The following ATP6V0E1 variants were observed in gnomAD, a reference collection of about 807,000 sequenced individuals.
The protein encoded by ATP6V0E1 is V-type proton ATPase subunit e 1.
A neutral mutation model predicts 11.6 loss-of-function variants in ATP6V0E1; 4 were observed. The observed-to-expected ratio is 0.35, with a 90% CI of 0.17 to 0.79. ATP6V0E1 has a LOEUF of 0.79. Among genes scored for constraint, ATP6V0E1 ranks in the 30% least tolerant of loss-of-function variants. The pLI, the probability that ATP6V0E1 is intolerant of heterozygous loss-of-function variation, is 0.54. For missense variants in ATP6V0E1, 105 were observed against 100.0 expected, an observed-to-expected ratio of 1.05 and a Z score of -0.21; for synonymous variants, 36 against 34.8, an observed-to-expected ratio of 1.04 and a Z score of -0.13.
intron 2 of ATP6V0E1, among the ~76,000 whole-genome samples, chr5:173,017,840 C>CAA (rs538210275): frequency 0.06 from 3,962 of 66,408 alleles, 93 homozygotes; most frequent in South Asian, 0.13. Flanking sequence ...GACTCCTTCT[C>CAA]AAAAAAAAAA....
chr5:173,030,065 C>T (rs1756626447), intron 3 of ATP6V0E1, among the ~76,000 whole-genome samples: 1 of 152,250 alleles, frequency 6.6e-6, no homozygotes, highest in Non-Finnish European at 1.5e-5. Flanking sequence ...CACCCATTCT[C>T]TCTTAATTCT....
At chr5:173,020,717 G>T in intron 3 of ATP6V0E1, 1 of 519,600 alleles carries the variant, frequency 1.9e-6, no homozygotes, top group Non-Finnish European at 3.8e-6. Flanking sequence ...TTAAAATTGA[G>T]CAGGTTTCTT....
chr5:173,014,922 A>G (rs983700423), intron 2 of ATP6V0E1, among the ~76,000 whole-genome samples: 2 of 152,226 alleles, frequency 1.3e-5, no homozygotes, highest in African/African-American at 4.8e-5. Flanking sequence ...ACACAGAGAA[A>G]TGGTAAATAC....
At chr5:173,009,490 C>G (rs1195118740) in intron 2 of ATP6V0E1, among the ~76,000 whole-genome samples, 1 of 123,870 alleles carries the variant, frequency 8.1e-6, no homozygotes. Flanking sequence ...GAGACAGAGT[C>G]TCGTTCTATC....
At chr5:173,022,468 G>T (rs561196108) in intron 3 of ATP6V0E1, among the ~76,000 whole-genome samples, 3 of 152,226 alleles carry the variant, frequency 2.0e-5, no homozygotes, top group African/African-American at 7.2e-5. Flanking sequence ...TGCTGCTGCT[G>T]TTTTTTGTTT....
intron 2 of ATP6V0E1, among the ~76,000 whole-genome samples, chr5:173,000,991 G>A (rs558761258): frequency 2.0e-5 from 3 of 152,186 alleles, no homozygotes; most frequent in African/African-American, 7.2e-5. Flanking sequence ...GTGAGCCACC[G>A]CCCCTGGCCA....
chr5:173,027,323 TAAAAA>T (rs747815879), intron 3 of ATP6V0E1, among the ~76,000 whole-genome samples: 1 of 104,352 alleles, frequency 9.6e-6, no homozygotes. Flanking sequence ...CTGTCTCTAC[TAAAAA>T]AAAAAAAAAA....
At chr5:173,013,435 C>T (rs1756359743) in intron 2 of ATP6V0E1, among the ~76,000 whole-genome samples, 1 of 151,718 alleles carries the variant, frequency 6.6e-6, no homozygotes, top group Non-Finnish European at 1.5e-5. Flanking sequence ...ATTAACCAGG[C>T]GTAGTGGTGG....
chr5:172,998,083 C>G (rs945709790), intron 2 of ATP6V0E1, among the ~76,000 whole-genome samples: 1 of 150,888 alleles, frequency 6.6e-6, no homozygotes, highest in African/African-American at 2.4e-5. Flanking sequence ...GCATTCCAGC[C>G]TGGGGGTCCA....
chr5:173,021,462 C>T lies in ATP6V0E1; in HGVS notation c.*36+1095C>T, dbSNP rs187773802. The stretch of plus-strand genomic sequence containing the variant: ...CTCCCCTTATAAAACCATCAGATCT[C>T]GTGAGACTTATTCACTACCATGAGA... On this transcript the variant is annotated intron_variant, in intron 3 of 3. Transcript: ENST00000519374. Among the ~76,000 whole-genome samples, 786 of 152,242 alleles carry T rather than the reference C, an allele frequency of 5.2e-3. 8 individuals carry two copies. Among genetic ancestry groups the T allele is most frequent in the African/African-American group, 0.018 (727 of 41,530 alleles).
At chr5:172,987,883 G>A (rs1166159364) in intron 1 of ATP6V0E1, among the ~76,000 whole-genome samples, 1 of 151,560 alleles carries the variant, frequency 6.6e-6, no homozygotes, top group Non-Finnish European at 1.5e-5. Flanking sequence ...CAGCTAATTC[G>A]TTGTTGTTGT....
rs140527126 is a variant in ATP6V0E1 at position 173,024,064 on chromosome 5, G to C, written c.*36+3697G>C. Among the ~76,000 whole-genome samples, 898 of 151,942 alleles carry C rather than the reference G, an allele frequency of 5.9e-3. 10 individuals carry two copies. Among genetic ancestry groups the C allele is most frequent in the African/African-American group, 0.021 (851 of 41,470 alleles). Reference sequence around the variant, plus strand: ...ACAAAAAAAATTAGCCAGGCATGGTGGTGGGCGCCTGTAGTCCCAGCGACT... The same window carrying C: ...ACAAAAAAAATTAGCCAGGCATGGTCGTGGGCGCCTGTAGTCCCAGCGACT... On this transcript the variant is annotated intron_variant, in intron 3 of 3. Transcript: ENST00000519374.
At chr5:173,010,681 G>A (rs1227068000) in intron 2 of ATP6V0E1, among the ~76,000 whole-genome samples, 1 of 152,172 alleles carries the variant, frequency 6.6e-6, no homozygotes, top group Non-Finnish European at 1.5e-5. Context: ...CATTTCTGCT[G>A]TCTCTTAAGG....
intron 2 of ATP6V0E1, among the ~76,000 whole-genome samples, chr5:173,008,282 CT>C (rs970851636): frequency 6.7e-6 from 1 of 149,104 alleles, no homozygotes; most frequent in Non-Finnish European, 1.5e-5. Flanking sequence ...AGTCCTGTTC[CT>C]TTTTTTTTCT....
chr5:172,987,015 T>C, intron 1 of ATP6V0E1: 1 of 203,452 alleles, frequency 4.9e-6, no homozygotes, highest in South Asian at 5.8e-5. Flanking sequence ...CTCGATCTCT[T>C]GACCTCATGA....
At chr5:173,018,595 C>T (rs553012900) in intron 2 of ATP6V0E1, among the ~76,000 whole-genome samples, 2 of 152,140 alleles carry the variant, frequency 1.3e-5, no homozygotes, top group African/African-American at 4.8e-5. Flanking sequence ...TCCCTGACCA[C>T]CCTGTCGAAA....
intron 2 of ATP6V0E1, among the ~76,000 whole-genome samples, chr5:173,000,124 C>T (rs1756131774): frequency 6.6e-6 from 1 of 152,108 alleles, no homozygotes; most frequent in South Asian, 2.1e-4. Context: ...CATTCATGGA[C>T]TTTTAAATTG....
At chr5:172,990,750 C>A (rs1294096314) in intron 1 of ATP6V0E1, among the ~76,000 whole-genome samples, 1 of 151,694 alleles carries the variant, frequency 6.6e-6, no homozygotes, top group East Asian at 1.9e-4. Flanking sequence ...TTGCTTGAGC[C>A]CAGGAGGCAG....
intron 1 of ATP6V0E1, among the ~76,000 whole-genome samples, chr5:172,988,813 C>T (rs7723392): frequency 0.011 from 1,719 of 152,230 alleles, 17 homozygotes; most frequent in Middle Eastern, 0.041. Context: ...CTCAACCTCC[C>T]GAGTATCTCG....
Sources: gnomAD v4.1 joint callset for allele counts (sites outside exome capture counted in the v4.1 genomes callset) on GRCh38, gnomAD v4.1.1 for gene constraint, MANE v1.5 for transcripts, NCBI Gene and HGNC (gene_info 2026-07-23, HGNC 2026-07-21) for gene names.